Variants in ZFYVE26 observed in about 807,000 individuals in gnomAD.
The protein encoded by ZFYVE26 is zinc finger FYVE domain-containing protein 26.
A neutral mutation model predicts 276.5 loss-of-function variants in ZFYVE26; 181 were observed. That is an observed-to-expected ratio of 0.65 (90% confidence interval 0.58 to 0.74). The LOEUF (loss-of-function observed/expected upper bound fraction) is 0.74. ZFYVE26 is among the 30% of genes least tolerant of loss of function. The probability of loss-of-function intolerance (pLI) is 0.00; values close to 1 mark genes in which losing one functional copy is unlikely to be tolerated. For missense variants in ZFYVE26, 2,821 were observed against 3,097.9 expected, an observed-to-expected ratio of 0.91 and a Z score of 2.12; for synonymous variants, 1,129 against 1,203.1, an observed-to-expected ratio of 0.94 and a Z score of 1.27.
At chr14:67,784,657 T>C (rs758857237) in intron 19 of ZFYVE26, among the ~76,000 whole-genome samples, 1 of 152,178 alleles carries the variant, frequency 6.6e-6, no homozygotes, top group Non-Finnish European at 1.5e-5. Flanking sequence ...CCAGACGAAC[T>C]TCAGTGGGCA....
chr14:67,778,386 C>T (rs2039406895), intron 23 of ZFYVE26, 138 bp from the exon 24 acceptor site: 1 of 1,157,984 alleles, frequency 8.6e-7, no homozygotes, highest in Non-Finnish European at 1.3e-6. Flanking sequence ...TTGAAGCAGG[C>T]TTACTGTTCA....
intron 3 of ZFYVE26, among the ~76,000 whole-genome samples, chr14:67,812,907 C>A (rs1319939416): frequency 6.6e-6 from 1 of 152,154 alleles, no homozygotes; most frequent in African/African-American, 2.4e-5. Flanking sequence ...GAAACCATAG[C>A]CAACTCTTAA....
chr14:67,792,107 A>G (rs2039830305), intron 14 of ZFYVE26, among the ~76,000 whole-genome samples: 2 of 151,754 alleles, frequency 1.3e-5, no homozygotes, highest in Non-Finnish European at 2.9e-5. Flanking sequence ...GGAGGGTCCT[A>G]TCCTCCTCCA....
At chr14:67,749,671 T>C (rs117741048) in intron 41 of ZFYVE26, among the ~76,000 whole-genome samples, 2,229 of 152,320 alleles carry the variant, frequency 0.015, 31 homozygotes, top group Non-Finnish European at 0.022. Context: ...CTTTCTAAGC[T>C]GAATTATAGA....
chr14:67,746,028 C>T (rs1184000431), downstream of ZFYVE26, among the ~76,000 whole-genome samples: 1 of 146,226 alleles, frequency 6.8e-6, no homozygotes, highest in African/African-American at 2.5e-5. Flanking sequence ...ATTTGGTATT[C>T]TGAACAAGAT....
intron 23 of ZFYVE26, 84 bp from the exon 24 acceptor site, chr14:67,778,332 A>C: frequency 6.3e-7 from 1 of 1,582,244 alleles, no homozygotes. Context: ...AAGCCCCAGG[A>C]ATGTTTATAA....
intron 4 of ZFYVE26, among the ~76,000 whole-genome samples, chr14:67,808,335 G>A (rs898293286): frequency 7.9e-5 from 12 of 152,136 alleles, no homozygotes; most frequent in African/African-American, 2.9e-4. Context: ...TTAAAAGAAT[G>A]TCAGTTTTTA....
chr14:67,775,120 G>A lies in ZFYVE26; in HGVS notation c.5222-6C>T, dbSNP rs762607184. ...TTGGAGGTGAATCACAGAATCTGTA[G>A]AGAGGGAAAATGCTGACAAAATATG... On this transcript the variant is annotated splice_polypyrimidine_tract_variant and splice_region_variant and intron_variant, in intron 26 of 41. Transcript: ENST00000347230. 7 of 1,597,038 alleles carry A rather than the reference G, an allele frequency of 4.4e-6. No homozygotes were observed. In the South Asian group the frequency reaches 7.9e-5, roughly 18 times the overall value.
At position 67,761,506 on chromosome 14, in the gene ZFYVE26, G is replaced by T; in HGVS notation, c.6448C>A (p.Pro2150Thr). ...RTQSLSLAVI[P>T]EGKIMNNTYY... is the part of the protein sequence containing the mutation. ...GTGTTGTTCATGATTTTCCCTTCAG[G>T]AATCACTGCCAGAGAAAGGCTCTGC... Residue 2150 changes from proline to threonine, a missense_variant, in exon 35 of 42, where the codon CCT (proline) becomes ACT (threonine). Pro to Thr is a conservative substitution (Grantham distance 38). Transcript: ENST00000347230. 6.2e-7 allele frequency: 1 copy of T among 1,614,152 alleles called. No homozygotes were observed.
intron 13 of ZFYVE26, chr14:67,733,930 T>C (rs566194096): frequency 2.9e-6 from 3 of 1,039,108 alleles, no homozygotes; most frequent in Admixed American, 1.8e-5. Context: ...CCCTAAAGGA[T>C]TGTCCTCTTG....
intron 10 of ZFYVE26, 51 bp from the exon 11 acceptor site, chr14:67,798,673 T>A: frequency 3.0e-5 from 46 of 1,527,972 alleles, no homozygotes; most frequent in South Asian, 9.0e-5. Flanking sequence ...AGACAGAGAA[T>A]GCAAACATTA....
At chr14:67,781,557 C>T in intron 21 of ZFYVE26, 28 bp from the exon 22 acceptor site, 4 of 1,610,656 alleles carry the variant, frequency 2.5e-6, no homozygotes, top group Non-Finnish European at 3.4e-6. Flanking sequence ...TGCTCAGAGG[C>T]AGCAAGCGTG....
chr14:67,814,549 AAAC>A (rs1402375431), intron 2 of ZFYVE26, among the ~76,000 whole-genome samples: 1 of 150,124 alleles, frequency 6.7e-6, no homozygotes, highest in East Asian at 2.0e-4. Flanking sequence ...ACAAACAAAC[AAAC>A]AAATCAGAAC....
chr14:67,797,474 T>C, intron 12 of ZFYVE26, 198 bp downstream of exon 12: 1 of 656,994 alleles, frequency 1.5e-6, no homozygotes, highest in East Asian at 2.8e-5. Context: ...TATAAAAGGA[T>C]ATACATGTTT....
intron 37 of ZFYVE26, among the ~76,000 whole-genome samples, chr14:67,754,651 G>A (rs1403509748): frequency 1.3e-5 from 2 of 152,238 alleles, no homozygotes; most frequent in Non-Finnish European, 2.9e-5. Context: ...TCTATGTAGA[G>A]GGACTGGCAA....
At chr14:67,729,100 C>A in intron 14 of ZFYVE26, 1 of 1,321,338 alleles carries the variant, frequency 7.6e-7, no homozygotes, top group South Asian at 1.2e-5. Flanking sequence ...CTGAGTCCCT[C>A]CTTCTCACTT....
rs1458365537 is a variant in ZFYVE26, at chr14:67,804,129, C to T, written c.1407G>A (p.Val469=). Reference sequence around the variant, plus strand: ...GCTCTTGCTGGGGGTCCTTGGCTGGCACTTTCTGTAAGAGCTTGAGAACAT... The same window carrying T: ...GCTCTTGCTGGGGGTCCTTGGCTGGTACTTTCTGTAAGAGCTTGAGAACAT... ...EEDVLKLLQK[V]PAKDPQQEPD... Residue 469 remains valine, a synonymous_variant, in exon 9 of 42, where the codon GTG becomes GTA. Transcript: ENST00000347230. 1 of 1,614,038 alleles carries T rather than the reference C, an allele frequency of 6.2e-7. No homozygotes were observed. Among genetic ancestry groups the T allele is most frequent in the Admixed American group, 1.7e-5 (1 of 59,990 alleles).
chr14:67,755,285 G>C (rs1663105515), intron 36 of ZFYVE26, 35 bp from the exon 37 acceptor site: 1 of 1,611,568 alleles, frequency 6.2e-7, no homozygotes, highest in African/African-American at 1.3e-5. Flanking sequence ...GGTCAAAGTA[G>C]ATCAGGGGTT....
intron 41 of ZFYVE26, 191 bp downstream of exon 41, chr14:67,750,861 A>G (rs749446843): frequency 5.6e-5 from 40 of 713,590 alleles, no homozygotes; most frequent in Admixed American, 2.1e-4. Context: ...CATGCAGTCC[A>G]TGTTCACCTG....
Sources: gnomAD v4.1 joint callset for allele counts (sites outside exome capture counted in the v4.1 genomes callset) on GRCh38, gnomAD v4.1.1 for gene constraint, MANE v1.5 for transcripts, NCBI Gene and HGNC (gene_info 2026-07-23, HGNC 2026-07-21) for gene names.